Variants in LINGO2 observed in about 807,000 individuals in gnomAD.
LINGO2 encodes the protein leucine-rich repeat and immunoglobulin-like domain-containing nogo receptor-interacting protein 2.
In LINGO2, 14 loss-of-function variants were observed where a neutral mutation model predicts 30.6. The observed-to-expected ratio is 0.46, with a 90% CI of 0.30 to 0.72. The LOEUF is 0.72. Ranked by LOEUF, LINGO2 falls within the 30% of genes least tolerant of loss-of-function variation. The pLI is 0.07. For missense variants in LINGO2, 729 were observed against 751.7 expected (o/e 0.97, Z 0.35); for synonymous variants, 317 against 288.5 (o/e 1.10, Z -1.00).
rs149623730 is a variant in LINGO2 at position 28,492,149 on chromosome 9, A to G, written c.-364-16124T>C. ...CTCTCTCTCCCGTGATTCCTAATAGAAAAAGATGTTGCCAGGAATGCTCCA... is the reference window on the plus strand; with the variant it reads ...CTCTCTCTCCCGTGATTCCTAATAGGAAAAGATGTTGCCAGGAATGCTCCA... On this transcript the variant is annotated intron_variant, in intron 1 of 5. Coordinates refer to ENST00000379992, the Ensembl canonical transcript of LINGO2. Among the ~76,000 whole-genome samples the G allele has an allele frequency of 6.2e-4, 94 of 152,304 alleles. 1 individual carries two copies. In the East Asian group the frequency reaches 0.015, roughly 25 times the overall value.
At chr9:28,003,413 C>T (rs1587664641) in intron 5 of LINGO2, among the ~76,000 whole-genome samples, 1 of 151,728 alleles carries the variant, frequency 6.6e-6, no homozygotes, top group South Asian at 2.1e-4. Flanking sequence ...AGAGAGTTCA[C>T]ATTTATTTCA....
At chr9:28,887,632 A>T in the LINGO2 span, among the ~76,000 whole-genome samples, 1 of 152,142 alleles carries the variant, frequency 6.6e-6, no homozygotes, top group Non-Finnish European at 1.5e-5. Context: ...ACATTGTTTT[A>T]TCTCAGCCAC....
At chr9:29,098,929 C>A in the LINGO2 span, among the ~76,000 whole-genome samples, 253 of 152,160 alleles carry the variant, frequency 1.7e-3, no homozygotes, top group Admixed American at 3.3e-3. Flanking sequence ...CCAAAGCTAT[C>A]CTGAGCAAAA....
At chr9:28,088,203 TACACACACACAC>T (rs56044203) in intron 4 of LINGO2, among the ~76,000 whole-genome samples, 9,606 of 148,580 alleles carry the variant, frequency 0.065, 406 homozygotes, top group South Asian at 0.11. Flanking sequence ...TATATAATTA[TACACACACACAC>T]ACACACACAC....
At chr9:28,618,253 G>A (rs891651660) in intron 1 of LINGO2, among the ~76,000 whole-genome samples, 1 of 151,936 alleles carries the variant, frequency 6.6e-6, no homozygotes, top group African/African-American at 2.4e-5. Context: ...AATTAGAGGC[G>A]GCATCACCAC....
intron 4 of LINGO2, among the ~76,000 whole-genome samples, chr9:28,074,815 G>T (rs1825577160): frequency 6.6e-6 from 1 of 152,020 alleles, no homozygotes; most frequent in African/African-American, 2.4e-5. Flanking sequence ...TAATGCATTA[G>T]TTTTATTTTG....
the LINGO2 span, among the ~76,000 whole-genome samples, chr9:29,178,108 T>G: frequency 6.6e-6 from 1 of 151,972 alleles, no homozygotes; most frequent in African/African-American, 2.4e-5. Context: ...CAGACTAGAG[T>G]GCAGTGGTGT....
At chr9:28,441,179 T>A (rs896476736) in intron 2 of LINGO2, among the ~76,000 whole-genome samples, 3 of 143,436 alleles carry the variant, frequency 2.1e-5, no homozygotes, top group African/African-American at 7.7e-5. Context: ...CTTCCCAGCC[T>A]CCAGAATTGT....
At chr9:29,073,733 T>G in the LINGO2 span, among the ~76,000 whole-genome samples, 1 of 152,196 alleles carries the variant, frequency 6.6e-6, no homozygotes, top group Admixed American at 6.5e-5. Context: ...TAGTTTAAAA[T>G]GGAAGATAAT....
At chr9:28,802,997 TAGAA>T in the LINGO2 span, among the ~76,000 whole-genome samples, 2 of 152,134 alleles carry the variant, frequency 1.3e-5, no homozygotes, top group African/African-American at 2.4e-5. Context: ...ATGTTAGAAA[TAGAA>T]AGAACTTTGA....
At chr9:27,960,679 T>G (rs1395549132) in intron 5 of LINGO2, among the ~76,000 whole-genome samples, 1 of 151,798 alleles carries the variant, frequency 6.6e-6, no homozygotes, top group African/African-American at 2.4e-5. Context: ...CTTCTCTTTT[T>G]GACAGCATGT....
chr9:28,819,748 C>T, the LINGO2 span, among the ~76,000 whole-genome samples: 11 of 152,204 alleles, frequency 7.2e-5, no homozygotes, highest in African/African-American at 2.4e-4. Context: ...AACTACTTGC[C>T]TTGGTGCTGA....
chr9:28,209,449 A>G (rs961313208), intron 4 of LINGO2, among the ~76,000 whole-genome samples: 1 of 151,946 alleles, frequency 6.6e-6, no homozygotes, highest in African/African-American at 2.4e-5. Flanking sequence ...ACTTTTTGTT[A>G]CACTAGGTAT....
chr9:28,552,897 A>C (rs1822383273), intron 1 of LINGO2, among the ~76,000 whole-genome samples: 1 of 151,658 alleles, frequency 6.6e-6, no homozygotes. Flanking sequence ...AAAAAAAAAA[A>C]ATCTGTGTTC....
intron 4 of LINGO2, among the ~76,000 whole-genome samples, chr9:28,154,313 G>A (rs758267392): frequency 2.6e-5 from 4 of 152,172 alleles, no homozygotes; most frequent in South Asian, 2.1e-4. Flanking sequence ...ATATTAAGAC[G>A]TTTTCCTACT....
intron 4 of LINGO2, among the ~76,000 whole-genome samples, chr9:28,277,770 G>T (rs4341239): frequency 7.3e-5 from 11 of 151,142 alleles, no homozygotes; most frequent in Non-Finnish European, 1.3e-4. Flanking sequence ...TAGCCTAGAT[G>T]GTGCCACGCA....
At chr9:28,761,332 CAGTT>C in the LINGO2 span, among the ~76,000 whole-genome samples, 1 of 151,764 alleles carries the variant, frequency 6.6e-6, no homozygotes, top group African/African-American at 2.4e-5. Context: ...ATCATTTTGT[CAGTT>C]AGCTGAATAA....
At chr9:29,130,620 A>T in the LINGO2 span, among the ~76,000 whole-genome samples, 1 of 152,170 alleles carries the variant, frequency 6.6e-6, no homozygotes, top group Non-Finnish European at 1.5e-5. Flanking sequence ...CTAATTACTG[A>T]TGCAGAAACA....
At chr9:28,494,845 G>A (rs1819537800) in intron 1 of LINGO2, among the ~76,000 whole-genome samples, 1 of 152,170 alleles carries the variant, frequency 6.6e-6, no homozygotes, top group Admixed American at 6.5e-5. Context: ...CAGTGTAAAA[G>A]TGTTCCTATT....
Sources: allele counts gnomAD v4.1 joint callset (sites outside exome capture counted in the v4.1 genomes callset), GRCh38; gene constraint gnomAD v4.1.1; transcripts MANE v1.5; gene names NCBI Gene and HGNC (gene_info 2026-07-23, HGNC 2026-07-21).